Variants in NF2 observed in about 807,000 individuals in gnomAD.
The protein encoded by NF2 is merlin.
Under a neutral mutation model 83.7 loss-of-function variants are expected in NF2, and 8 were observed. The ratio of observed to expected loss-of-function variants is 0.10; its 90% confidence interval spans 0.06 to 0.17. The LOEUF (loss-of-function observed/expected upper bound fraction) is 0.17. NF2 is among the 10% of genes least tolerant of loss of function. The pLI is 1.00. For synonymous variants in NF2, 266 were observed against 269.6 expected (o/e 0.99, Z 0.13); for missense variants, 533 against 744.4 (o/e 0.72, Z 3.31).
intron 1 of NF2, among the ~76,000 whole-genome samples, chr22:29,628,180 G>A (rs929041933): frequency 6.2e-5 from 9 of 146,022 alleles, no homozygotes; most frequent in Non-Finnish European, 1.2e-4. Context: ...GTGTGTGTGT[G>A]TGTGTACACC....
At chr22:29,641,614 A>G (rs1222064058) in intron 3 of NF2, among the ~76,000 whole-genome samples, 1 of 152,222 alleles carries the variant, frequency 6.6e-6, no homozygotes, top group Non-Finnish European at 1.5e-5. Flanking sequence ...CATTCTAAGA[A>G]AATTAAGTGC....
intron 15 of NF2, among the ~76,000 whole-genome samples, chr22:29,686,775 G>A (rs963851865): frequency 1.3e-5 from 2 of 152,022 alleles, no homozygotes; most frequent in Non-Finnish European, 2.9e-5. Context: ...TTGATGATCA[G>A]TACAACTAGT....
At chr22:29,666,129 T>C (rs532238595) in intron 9 of NF2, among the ~76,000 whole-genome samples, 65 of 152,258 alleles carry the variant, frequency 4.3e-4, no homozygotes, top group Non-Finnish European at 8.1e-4. Flanking sequence ...GATTCTTCTG[T>C]TAATGGATAA....
In NF2 at chr22:29,683,085, C is replaced by A. The variant is rs1236949176; in HGVS notation, c.1737+1484C>A. ...TCAAAGTAGGTTGTTCCCAGGTACT[C>A]TCTATGTGGTGATGGTGCTGCCCTC... On this transcript the variant is annotated intron_variant, in intron 15 of 15. Coordinates refer to ENST00000338641, the MANE Select transcript of NF2 (RefSeq NM_000268.4). 2.5e-6 allele frequency: 4 copies of A among 1,614,086 alleles called. No homozygotes were observed. The South Asian group carries it at 4.4e-5, about 18-fold the overall frequency.
intron 5 of NF2, 53 bp from the exon 6 acceptor site, chr22:29,655,539 CAA>C (rs2066275329): frequency 7.5e-7 from 1 of 1,337,142 alleles, no homozygotes; most frequent in African/African-American, 1.4e-5. Flanking sequence ...AAGTGGCAAA[CAA>C]TACCAAATTT....
At chr22:29,665,422 T>G (rs1175827425) in intron 9 of NF2, among the ~76,000 whole-genome samples, 1 of 152,048 alleles carries the variant, frequency 6.6e-6, no homozygotes, top group Non-Finnish European at 1.5e-5. Flanking sequence ...TTTTGTATTT[T>G]CAGTAGAGAC....
At chr22:29,639,027 T>G in intron 2 of NF2, 63 bp from the exon 3 acceptor site, 2 of 1,612,678 alleles carry the variant, frequency 1.2e-6, no homozygotes, top group Non-Finnish European at 1.7e-6. Context: ...AAGGCTTCTT[T>G]GAGGGTAGCA....
intron 1 of NF2, among the ~76,000 whole-genome samples, chr22:29,631,367 C>G (rs766537406): frequency 1.3e-5 from 2 of 152,134 alleles, no homozygotes; most frequent in African/African-American, 2.4e-5. Context: ...ACCTTACTCC[C>G]GGAGACCCAG....
intron 4 of NF2, among the ~76,000 whole-genome samples, chr22:29,643,292 A>ATTTTTTTTTTTTTTTTTTT (rs1194773468): frequency 7.3e-6 from 1 of 137,848 alleles, no homozygotes; most frequent in Non-Finnish European, 1.6e-5. Context: ...TACTTGTGTG[A>ATTTTTTTTTTTTTTTTTTT]TTTTTTTTTT....
chr22:29,684,088 G>GGA (rs1445959349), intron 15 of NF2: 3 of 246,780 alleles, frequency 1.2e-5, no homozygotes, highest in Non-Finnish European at 2.0e-5. Context: ...CCTACTTGTG[G>GGA]TCGTTATCCC....
chr22:29,658,308 C>A, intron 7 of NF2, 44 bp downstream of exon 7: 1 of 1,529,414 alleles, frequency 6.5e-7, no homozygotes, highest in Non-Finnish European at 9.1e-7. Context: ...TAGACAGAGA[C>A]TGAGTGAGGG....
chr22:29,640,001 C>G (rs1247785059), intron 3 of NF2, among the ~76,000 whole-genome samples: 1 of 150,414 alleles, frequency 6.6e-6, no homozygotes, highest in Non-Finnish European at 1.5e-5. Context: ...TCAAGACCAG[C>G]CTGACCAACA....
Position 29,604,048 on chromosome 22 carries a change from A to G in NF2, c.50A>G (p.Lys17Arg), listed in dbSNP as rs2064714998. 1 of 1,606,698 alleles carries G rather than the reference A, an allele frequency of 6.2e-7. No homozygotes were observed. The highest frequency in any genetic ancestry group is 8.5e-7 in the Non-Finnish European group (1 of 1,176,776). ...SRMSFSSLKR[K>R]QPKTFTVRIV... ...ATGAGCTTCAGCTCTCTCAAGAGGA[A>G]GCAACCCAAGACGTTCACCGTGAGG... Residue 17 changes from lysine (K) to arginine (R), a missense_variant, in exon 1 of 16, where the codon AAG becomes AGG. This residue lies in a region of NF2 where 326 missense variants were observed against 475.1 expected (regional missense o/e 0.69). Transcript: ENST00000338641.
chr22:29,663,807 A>G (rs1183122123), intron 8 of NF2, among the ~76,000 whole-genome samples: 2 of 152,196 alleles, frequency 1.3e-5, no homozygotes, highest in East Asian at 1.9e-4. Flanking sequence ...ATGGATATCC[A>G]TTTTGTAAGT....
intron 1 of NF2, among the ~76,000 whole-genome samples, chr22:29,618,981 G>A (rs1004062787): frequency 1.3e-5 from 2 of 152,008 alleles, no homozygotes; most frequent in East Asian, 1.9e-4. Context: ...AGTTGTACAG[G>A]GTAATAGTTC....
At chr22:29,648,544 G>A (rs1310995653) in intron 4 of NF2, among the ~76,000 whole-genome samples, 1 of 152,198 alleles carries the variant, frequency 6.6e-6, no homozygotes, top group Non-Finnish European at 1.5e-5. Context: ...ACACACCGCT[G>A]GCTGTTCCAG....
chr22:29,604,932 A>G (rs553363953), intron 1 of NF2, among the ~76,000 whole-genome samples: 4 of 152,318 alleles, frequency 2.6e-5, no homozygotes, highest in Non-Finnish European at 5.9e-5. Flanking sequence ...AGCTTCCAGC[A>G]TGACAGCTTA....
chr22:29,635,624 G>C (rs1483256000), intron 1 of NF2, among the ~76,000 whole-genome samples: 1 of 152,106 alleles, frequency 6.6e-6, no homozygotes, highest in Non-Finnish European at 1.5e-5. Flanking sequence ...CACCACGCCC[G>C]GCTGCCTAAG....
At chr22:29,670,452 GAGA>G (rs1175433231) in intron 10 of NF2, among the ~76,000 whole-genome samples, 4 of 151,672 alleles carry the variant, frequency 2.6e-5, no homozygotes, top group Admixed American at 2.6e-4. Flanking sequence ...GAGAAAATTG[GAGA>G]AGAACTTTCA....
Sources: allele counts gnomAD v4.1 joint callset (sites outside exome capture counted in the v4.1 genomes callset), GRCh38; gene constraint gnomAD v4.1.1; regional missense constraint gnomAD v4.1.1; transcripts MANE v1.5; gene names NCBI Gene and HGNC (gene_info 2026-07-23, HGNC 2026-07-21).